KAZN: variants seen among roughly 807,000 people sequenced by gnomAD.
KAZN encodes kazrin, periplakin interacting protein.
A neutral mutation model predicts 87.4 loss-of-function variants in KAZN; 40 were observed. The ratio of observed to expected loss-of-function variants is 0.46; its 90% CI spans 0.36 to 0.60. The LOEUF (loss-of-function observed/expected upper bound fraction) is 0.60, where lower values mean the gene tolerates loss of function less well. Among genes scored for constraint, KAZN ranks in the 20% least tolerant of loss-of-function variants. The pLI, the probability that KAZN is intolerant of heterozygous loss-of-function variation, is 0.00. For missense variants in KAZN, 898 were observed against 1,073.9 expected (o/e 0.84, Z 2.29); for synonymous variants, 466 against 458.3 (o/e 1.02, Z -0.22).
intron 1 of KAZN, among the ~76,000 whole-genome samples, chr1:14,853,524 G>A (rs1183436236): frequency 6.6e-6 from 1 of 152,118 alleles, no homozygotes; most frequent in African/African-American, 2.4e-5. Context: ...GGATGCAGGT[G>A]GTAGGAGGGG....
chr1:13,940,678 T>G (rs1640896381), intron 1 of KAZN, among the ~76,000 whole-genome samples: 1 of 152,198 alleles, frequency 6.6e-6, no homozygotes, highest in Non-Finnish European at 1.5e-5. Context: ...CAGAAGAGAT[T>G]AGTGAACTGG....
At chr1:14,148,814 C>A (rs1399773254) in intron 1 of KAZN, among the ~76,000 whole-genome samples, 2 of 152,156 alleles carry the variant, frequency 1.3e-5, no homozygotes, top group Non-Finnish European at 2.9e-5. Context: ...AGGATTTCTA[C>A]ATTTTTGCTC....
chr1:14,995,451 C>T (rs1271628720), intron 2 of KAZN, among the ~76,000 whole-genome samples: 8 of 152,048 alleles, frequency 5.3e-5, no homozygotes, highest in African/African-American at 1.9e-4. Context: ...GGTAAAACCC[C>T]GTCTCTACCA....
intron 1 of KAZN, among the ~76,000 whole-genome samples, chr1:14,676,397 G>A (rs1042366877): frequency 6.8e-6 from 1 of 147,164 alleles, no homozygotes; most frequent in African/African-American, 2.5e-5. Flanking sequence ...AGCCAGCTAA[G>A]CAGCCTTACC....
chr1:13,921,243 G>A (rs1282069196), intron 1 of KAZN, among the ~76,000 whole-genome samples: 1 of 152,132 alleles, frequency 6.6e-6, no homozygotes, highest in East Asian at 1.9e-4. Context: ...GCCAATTTGA[G>A]AATAGACATC....
At position 15,104,122 on chromosome 1, in the gene KAZN, C is replaced by T; in HGVS notation, c.1981C>T (p.Pro661Ser). ...AEAMATALGI[P>S]SGKHILRRHL... ...GGCCATGGCCACTGCCCTGGGCATC[C>T]CCAGTGGGAAGCACATCCTCCGGAG... Residue 661 changes from proline to serine, a missense_variant, in exon 13 of 15, where the codon CCC becomes TCC. Pro to Ser is a moderately conservative substitution (Grantham distance 74). Transcript: ENST00000376030. 2 of 1,610,316 alleles carry T rather than the reference C, an allele frequency of 1.2e-6. No individual in the cohort carries two copies. The highest frequency in any genetic ancestry group is 1.7e-6 in the Non-Finnish European group (2 of 1,178,534).
At chr1:14,532,834 T>G (rs1467863187) in intron 2 of KAZN, among the ~76,000 whole-genome samples, 1 of 151,904 alleles carries the variant, frequency 6.6e-6, no homozygotes, top group African/African-American at 2.4e-5. Context: ...TATTCCATGG[T>G]GTATATGTGC....
intron 1 of KAZN, among the ~76,000 whole-genome samples, chr1:14,893,565 G>C (rs961401399): frequency 6.6e-6 from 1 of 151,540 alleles, no homozygotes; most frequent in Non-Finnish European, 1.5e-5. Flanking sequence ...CCCTAACCTT[G>C]ACTGATGGCC....
At chr1:14,533,180 T>G (rs74987442) in intron 2 of KAZN, among the ~76,000 whole-genome samples, 2,340 of 152,280 alleles carry the variant, frequency 0.015, 55 homozygotes, top group African/African-American at 0.053. Flanking sequence ...GAATCCTTAA[T>G]AATACAAAAA....
intron 2 of KAZN, among the ~76,000 whole-genome samples, chr1:14,476,021 C>G (rs1668703831): frequency 6.6e-6 from 1 of 152,196 alleles, no homozygotes; most frequent in Non-Finnish European, 1.5e-5. Context: ...CAGACTCTCT[C>G]GCCTTTGGTC....
intron 2 of KAZN, among the ~76,000 whole-genome samples, chr1:14,263,465 A>G (rs1651236454): frequency 1.3e-5 from 2 of 152,188 alleles, no homozygotes; most frequent in Admixed American, 6.5e-5. Context: ...CTGATGGTTG[A>G]CAAACATATT....
chr1:14,497,208 G>A (rs1388770464), intron 2 of KAZN, among the ~76,000 whole-genome samples: 1 of 151,916 alleles, frequency 6.6e-6, no homozygotes, highest in Non-Finnish European at 1.5e-5. Flanking sequence ...CAGAGATTCT[G>A]ACTAATAAGC....
At chr1:14,427,498 A>G (rs1479918478) in intron 2 of KAZN, among the ~76,000 whole-genome samples, 1 of 151,032 alleles carries the variant, frequency 6.6e-6, no homozygotes, top group African/African-American at 2.4e-5. Context: ...GTAAAAAACA[A>G]ATACCTATAA....
At chr1:14,276,646 G>A (rs77839853) in intron 2 of KAZN, among the ~76,000 whole-genome samples, 3,319 of 152,204 alleles carry the variant, frequency 0.022, 47 homozygotes, top group Non-Finnish European at 0.033. Flanking sequence ...GTGTGTGTCT[G>A]TCTCTGTGTT....
At chr1:15,053,936 A>C (rs1674676258) in intron 4 of KAZN, among the ~76,000 whole-genome samples, 1 of 152,152 alleles carries the variant, frequency 6.6e-6, no homozygotes, top group Admixed American at 6.5e-5. Context: ...GACTTCTAGG[A>C]TGTCCGAGCT....
chr1:14,459,797 T>A (rs181568369), intron 2 of KAZN, among the ~76,000 whole-genome samples: 132 of 152,308 alleles, frequency 8.7e-4, no homozygotes, highest in African/African-American at 3.1e-3. Flanking sequence ...GTAAACAGAA[T>A]CATTGGGTGG....
intron 2 of KAZN, among the ~76,000 whole-genome samples, chr1:14,248,066 A>G (rs1048155495): frequency 2.6e-5 from 4 of 152,138 alleles, no homozygotes; most frequent in Non-Finnish European, 4.4e-5. Flanking sequence ...AAGCATCACA[A>G]ATTAGTAGGT....
At chr1:14,124,658 C>T (rs74974791) in intron 1 of KAZN, among the ~76,000 whole-genome samples, 3,026 of 152,000 alleles carry the variant, frequency 0.02, 99 homozygotes, top group African/African-American at 0.067. Context: ...TATTCGCCAA[C>T]GGCCTCTCTC....
intron 2 of KAZN, among the ~76,000 whole-genome samples, chr1:14,399,784 G>T (rs920820879): frequency 4.6e-5 from 7 of 151,920 alleles, no homozygotes; most frequent in Admixed American, 1.3e-4. Flanking sequence ...CCATCTCTCA[G>T]GAAGGCTTCC....
Sources: gnomAD v4.1 joint callset for allele counts (sites outside exome capture counted in the v4.1 genomes callset) on GRCh38, gnomAD v4.1.1 for gene constraint, MANE v1.5 for transcripts, NCBI Gene and HGNC (gene_info 2026-07-23, HGNC 2026-07-21) for gene names.